The following ATXN10 variants were observed in gnomAD, a reference collection of about 807,000 sequenced individuals.
ATXN10 encodes ataxin-10.
In ATXN10, 28 loss-of-function variants were observed where a neutral mutation model predicts 52.9. The ratio of observed to expected loss-of-function variants is 0.53; its 90% CI spans 0.39 to 0.73. ATXN10 has a LOEUF of 0.73. Ranked by LOEUF, ATXN10 falls within the 30% of genes least tolerant of loss-of-function variation. The pLI is 0.00. For missense variants in ATXN10, 565 were observed against 577.0 expected, an observed-to-expected ratio of 0.98 and a Z score of 0.21; for synonymous variants, 226 against 221.5, an observed-to-expected ratio of 1.02 and a Z score of -0.18.
At chr22:45,692,909 C>T (rs975818721) in intron 2 of ATXN10, 87 bp from the exon 3 acceptor site, 5 of 1,068,368 alleles carry the variant, frequency 4.7e-6, no homozygotes, top group South Asian at 1.3e-5. Flanking sequence ...TCAGATTTCT[C>T]AGCTCTCCCA....
At chr22:45,807,170 T>A in intron 10 of ATXN10, 148 bp downstream of exon 10, 1 of 742,348 alleles carries the variant, frequency 1.3e-6, no homozygotes, top group Non-Finnish European at 2.5e-6. Context: ...TTTCTCAGAG[T>A]TATGGTGCTA....
rs568003952 is a variant in ATXN10, at chr22:45,759,951, A to G, written c.1173+19413A>G. 4.6e-5 allele frequency among the ~76,000 whole-genome samples: 7 copies of G among 152,338 alleles called. No homozygotes were observed. Among genetic ancestry groups the G allele is most frequent in the African/African-American group, 1.7e-4 (7 of 41,594 alleles). ...TCTATCCCCTCAGAAAGTTTTTTCC[A>G]TGCTGGCTGTTGTGTGCCAGTGTGC... On this transcript the variant is annotated intron_variant, in intron 9 of 11. Coordinates refer to ENST00000252934, the MANE Select transcript of ATXN10 (RefSeq NM_013236.4). This position sits in a 1 kb window ranked among gnomAD's most constrained non-coding sequence, Gnocchi z 5.4.
Position 45,784,558 on chromosome 22 carries a change from G to T in ATXN10, c.1174-22401G>T, listed in dbSNP as rs1927258858. ...CACATGTCTTGCCTTGGAGGTCTGT[G>T]CTAGGCTGTCAGGAGGTGTGGATGG... On this transcript the variant is annotated intron_variant, in intron 9 of 11. Transcript: ENST00000252934. This position sits in a 1 kb window ranked among gnomAD's most constrained non-coding sequence, Gnocchi z 4.2. Among the ~76,000 whole-genome samples, 2 of 152,150 alleles carry T rather than the reference G, an allele frequency of 1.3e-5. No individual in the cohort carries two copies. Among genetic ancestry groups the T allele is most frequent in the African/African-American group, 4.8e-5 (2 of 41,430 alleles).
At chr22:45,779,549 G>A (rs768396487) in intron 9 of ATXN10, among the ~76,000 whole-genome samples, 1 of 152,170 alleles carries the variant, frequency 6.6e-6, no homozygotes, top group Non-Finnish European at 1.5e-5. Context: ...CTTGCAGTAC[G>A]CAACCACTGG....
chr22:45,703,049 G>A (rs916393919), intron 5 of ATXN10, among the ~76,000 whole-genome samples: 9 of 152,202 alleles, frequency 5.9e-5, no homozygotes, highest in Non-Finnish European at 1.3e-4. Flanking sequence ...CTTGAATTGA[G>A]CCTTTAAGGA....
intron 9 of ATXN10, among the ~76,000 whole-genome samples, chr22:45,753,906 G>C (rs1271847521): frequency 6.6e-6 from 1 of 152,162 alleles, no homozygotes; most frequent in Non-Finnish European, 1.5e-5. Context: ...TCCTAGACTA[G>C]AGTTTTTCAT....
Position 45,763,202 on chromosome 22 carries a change from T to C in ATXN10, c.1173+22664T>C, listed in dbSNP as rs1329302860. 2.6e-5 allele frequency among the ~76,000 whole-genome samples: 4 copies of C among 152,022 alleles called. No homozygotes were observed. Among genetic ancestry groups the C allele is most frequent in the Non-Finnish European group, 5.9e-5 (4 of 67,992 alleles). The stretch of plus-strand genomic sequence containing the variant: ...TGGGGAGGGCTGCCGGGCAGTGTTC[T>C]GGGGGCAGGGAGGTGGTGGGAGAAT... On this transcript the variant is annotated intron_variant, in intron 9 of 11. Coordinates refer to ENST00000252934, the MANE Select transcript of ATXN10 (RefSeq NM_013236.4). The surrounding 1 kb of genome is among the most constrained non-coding windows in gnomAD (Gnocchi z 6.9).
rs1555896251 is a variant in ATXN10 at position 45,795,415 on chromosome 22, A to ATTCTT, written c.1174-11540_1174-11539insTTTCT. On this transcript the variant is annotated intron_variant, in intron 9 of 11. Coordinates refer to ENST00000252934, the MANE Select transcript of ATXN10 (RefSeq NM_013236.4). The surrounding 1 kb of genome is among the most constrained non-coding windows in gnomAD (Gnocchi z 4.6). ...ATTCTATTCTATTCTATTCTATTCT[A>ATTCTT]TTCTATTCTTTTTGAGATGAAGTCT... Among the ~76,000 whole-genome samples, 274 of 134,198 alleles carry ATTCTT rather than the reference A, an allele frequency of 2.0e-3. 1 individual carries two copies. Among genetic ancestry groups the ATTCTT allele is most frequent in the South Asian group, 2.6e-3 (11 of 4,162 alleles). The allele number at this position is 134,198 out of a possible 152,430, so 88.0% of individuals were successfully genotyped here.
At chr22:45,693,534 C>T (rs1353062148) in intron 3 of ATXN10, among the ~76,000 whole-genome samples, 1 of 152,076 alleles carries the variant, frequency 6.6e-6, no homozygotes. Flanking sequence ...GGCACTAATC[C>T]CATTCACGAG....
rs922641180 is a variant in ATXN10 at position 45,837,456 on chromosome 22, G to A, written c.1238-5535G>A. On this transcript the variant is annotated intron_variant, in intron 10 of 11. Coordinates refer to ENST00000252934, the MANE Select transcript of ATXN10 (RefSeq NM_013236.4). The surrounding 1 kb of genome is among the most constrained non-coding windows in gnomAD (Gnocchi z 5.8). ...TTTTTGTATATTTAGTAGAGATGGG[G>A]TTTTACCATGTTGGCCAGGCTGGTC... 2.0e-5 allele frequency among the ~76,000 whole-genome samples: 3 copies of A among 152,132 alleles called. No individual in the cohort carries two copies. The highest frequency in any genetic ancestry group is 4.4e-5 in the Non-Finnish European group (3 of 68,022).
intron 6 of ATXN10, among the ~76,000 whole-genome samples, chr22:45,726,139 T>G (rs1924859653): frequency 6.6e-6 from 1 of 152,202 alleles, no homozygotes; most frequent in African/African-American, 2.4e-5. Context: ...CTTTACTGCT[T>G]TTGGTATCAG....
At chr22:45,741,537 G>GC (rs1159447032) in intron 9 of ATXN10, among the ~76,000 whole-genome samples, 1 of 152,116 alleles carries the variant, frequency 6.6e-6, no homozygotes, top group Non-Finnish European at 1.5e-5. Flanking sequence ...GAACATCAAG[G>GC]CATGAGATGT....
chr22:45,783,179 C>T lies in ATXN10; in HGVS notation c.1174-23780C>T, dbSNP rs1927210199. On this transcript the variant is annotated intron_variant, in intron 9 of 11. Coordinates refer to ENST00000252934, the MANE Select transcript of ATXN10 (RefSeq NM_013236.4). The surrounding 1 kb of genome is among the most constrained non-coding windows in gnomAD (Gnocchi z 5.0). ...TCATTGTTAAGTAAGATAAGGGTTCCATGAACACGAGCACTGTGATACCAT... is the reference window on the plus strand; with the variant it reads ...TCATTGTTAAGTAAGATAAGGGTTCTATGAACACGAGCACTGTGATACCAT... 6.6e-6 allele frequency among the ~76,000 whole-genome samples: 1 copy of T among 152,082 alleles called. No homozygotes were observed. Among genetic ancestry groups the T allele is most frequent in the African/African-American group, 2.4e-5 (1 of 41,400 alleles).
At chr22:45,799,747 A>G (rs2146877203) in intron 9 of ATXN10, among the ~76,000 whole-genome samples, 1 of 152,308 alleles carries the variant, frequency 6.6e-6, no homozygotes, top group East Asian at 1.9e-4. Context: ...AGCCCTACCA[A>G]ACTAATACAA....
chr22:45,678,437 G>C lies in ATXN10; in HGVS notation c.116+6258G>C, dbSNP rs771168124. 1 of 152,102 alleles carries C rather than the reference G, an allele frequency of 6.6e-6. No individual in the cohort carries two copies. The highest frequency in any genetic ancestry group is 1.5e-5 in the Non-Finnish European group (1 of 68,018). 9.4% of individuals were successfully genotyped at this position (152,102 alleles called of 1,614,324 possible). A position where few individuals can be genotyped will look rare whatever the true frequency, so the allele number is the denominator to read the frequency against. ...AATGAGTGACACTGAATTTTGGTGG[G>C]CATGTGAAGCTATATATTTATGATT... On this transcript the variant is annotated intron_variant, in intron 1 of 11. Coordinates refer to ENST00000252934, the MANE Select transcript of ATXN10 (RefSeq NM_013236.4). This position sits in a 1 kb window ranked among gnomAD's most constrained non-coding sequence, Gnocchi z 4.1.
rs548857418 is a variant in ATXN10 at position 45,835,377 on chromosome 22, G to A, written c.1238-7614G>A. ...GCCACAGCCCTTCGCTCGGGCCCAC[G>A]GGGTGCAGTGGAGGAAGTGTGAGCC... On this transcript the variant is annotated intron_variant, in intron 10 of 11. Transcript: ENST00000252934. The surrounding 1 kb of genome is among the most constrained non-coding windows in gnomAD (Gnocchi z 5.0). Among the ~76,000 whole-genome samples, 4 of 152,308 alleles carry A rather than the reference G, an allele frequency of 2.6e-5. No homozygotes were observed. Among genetic ancestry groups the A allele is most frequent in the East Asian group, 1.9e-4 (1 of 5,184 alleles).
Position 45,825,896 on chromosome 22 carries a change from C to T in ATXN10, c.1238-17095C>T, listed in dbSNP as rs184954809. On this transcript the variant is annotated intron_variant, in intron 10 of 11. Coordinates refer to ENST00000252934, the MANE Select transcript of ATXN10 (RefSeq NM_013236.4). This position sits in a 1 kb window ranked among gnomAD's most constrained non-coding sequence, Gnocchi z 4.5. Reference sequence around the variant, plus strand: ...ACCAGCCTGGTAACATGGCAAAACCCCATCTCTACAAAAATTAGCCCCAGG... The same window carrying T: ...ACCAGCCTGGTAACATGGCAAAACCTCATCTCTACAAAAATTAGCCCCAGG... 1.4e-3 allele frequency among the ~76,000 whole-genome samples: 211 copies of T among 152,140 alleles called. 1 individual carries two copies. The highest frequency in any genetic ancestry group is 4.6e-3 in the African/African-American group (191 of 41,496).
rs773641734 is a variant in ATXN10, at chr22:45,700,244, C to CATTT, written c.392-23_392-20dup. 1.3e-5 allele frequency: 17 copies of CATTT among 1,286,086 alleles called. 1 individual carries two copies. The highest frequency in any genetic ancestry group is 5.9e-5 in the African/African-American group (4 of 67,674). 79.7% of individuals were successfully genotyped at this position (1,286,086 alleles called of 1,614,324 possible). A position where few individuals can be genotyped will look rare whatever the true frequency, so the allele number is the denominator to read the frequency against. ...GATGCATTTATTTATTGTGTTTAAT[C>CATTT]ATTTATTTATTTATTTATAACTTTT... On this transcript the variant is annotated intron_variant, in intron 3 of 11. Transcript: ENST00000252934.
At position 45,843,271 on chromosome 22, in the gene ATXN10, A is replaced by C; in HGVS notation, c.1425+93A>C. ...TTCAAGCACGAGGCTCTTTGTAAGA[A>C]TATGGATGGGAGAATTGTGCCCTCT... On this transcript the variant is annotated intron_variant, in intron 11 of 11. Coordinates refer to ENST00000252934, the MANE Select transcript of ATXN10 (RefSeq NM_013236.4). This position sits in a 1 kb window ranked among gnomAD's most constrained non-coding sequence, Gnocchi z 4.5. The C allele has an allele frequency of 7.4e-7, 1 of 1,356,286 alleles. No homozygotes were observed. Among genetic ancestry groups the C allele is most frequent in the Non-Finnish European group, 1.0e-6 (1 of 955,864 alleles). 84.0% of individuals were successfully genotyped at this position (1,356,286 alleles called of 1,614,324 possible).
Sources: allele counts gnomAD v4.1 joint callset (sites outside exome capture counted in the v4.1 genomes callset), GRCh38; gene constraint gnomAD v4.1.1; non-coding constraint Gnocchi (gnomAD v3.1); transcripts MANE v1.5; gene names NCBI Gene and HGNC (gene_info 2026-07-23, HGNC 2026-07-21).